Variants in ROBO2 observed in about 807,000 individuals in gnomAD.
The protein encoded by ROBO2 is roundabout homolog 2.
A neutral mutation model predicts 160.8 loss-of-function variants in ROBO2; 53 were observed. The ratio of observed to expected loss-of-function variants is 0.33; its 90% CI spans 0.26 to 0.41. ROBO2 has a LOEUF of 0.41. ROBO2 is among the 10% of genes least tolerant of loss of function. The pLI is 1.00. For synonymous variants in ROBO2, 664 were observed against 611.7 expected (o/e 1.09, Z -1.26); for missense variants, 1,577 against 1,722.4 (o/e 0.92, Z 1.49).
intron 2 of ROBO2, among the ~76,000 whole-genome samples, chr3:77,209,887 A>C (rs1014220998): frequency 6.6e-6 from 1 of 152,148 alleles, no homozygotes; most frequent in Admixed American, 6.6e-5. Context: ...CTGGACAGAG[A>C]TTTGTAAAAA....
At chr3:76,442,711 G>A (rs960635842) in intron 2 of ROBO2, among the ~76,000 whole-genome samples, 1 of 152,078 alleles carries the variant, frequency 6.6e-6, no homozygotes, top group African/African-American at 2.4e-5. Flanking sequence ...CATTCTGCCC[G>A]GTTAGTGAAT....
At chr3:77,570,305 A>G (rs1002768268) in intron 13 of ROBO2, among the ~76,000 whole-genome samples, 2 of 152,026 alleles carry the variant, frequency 1.3e-5, no homozygotes, top group African/African-American at 2.4e-5. Context: ...TCAAAATTGC[A>G]TGACAGCAGA....
rs1553669706 is a variant in ROBO2, at chr3:76,185,195, G to GATAGATATATATATATATATATAT, written c.109+247596_109+247597insGATATATATATATATATATATATA. Among the ~76,000 whole-genome samples, 2 of 44,496 alleles carry GATAGATATATATATATATATATAT rather than the reference G, an allele frequency of 4.5e-5. 1 individual carries two copies. The highest frequency in any genetic ancestry group is 1.9e-3 in the South Asian group (2 of 1,062). The allele number at this position is 44,496 out of a possible 152,430, so 29.2% of individuals were successfully genotyped here. A position where few individuals can be genotyped will look rare whatever the true frequency, so the allele number is the denominator to read the frequency against. Reference sequence around the variant, plus strand: ...TTCTAGGCTTCTATAAGTAAACACAGATATATATATATATATATATACACA... The same window carrying GATAGATATATATATATATATATAT: ...TTCTAGGCTTCTATAAGTAAACACAGATAGATATATATATATATATATATATATATATATATATATATATACACA... On this transcript the variant is annotated intron_variant, in intron 2 of 26. Coordinates refer to the ROBO2 transcript ENST00000487694.
intron 2 of ROBO2, among the ~76,000 whole-genome samples, chr3:77,020,525 C>T (rs1001495868): frequency 1.3e-5 from 2 of 152,230 alleles, no homozygotes; most frequent in Non-Finnish European, 2.9e-5. Context: ...AAAAAATGTT[C>T]ATGCCAGTAT....
At chr3:76,376,551 A>G (rs1453811807) in intron 2 of ROBO2, among the ~76,000 whole-genome samples, 2 of 152,146 alleles carry the variant, frequency 1.3e-5, no homozygotes, top group South Asian at 2.1e-4. Flanking sequence ...GTGGTGATCC[A>G]TTATCTAGCA....
chr3:77,285,835 GT>G (rs1164481309), intron 2 of ROBO2, among the ~76,000 whole-genome samples: 6 of 152,136 alleles, frequency 3.9e-5, no homozygotes, highest in South Asian at 4.1e-4. Flanking sequence ...AGAGAGATAG[GT>G]TTGAGTAGCA....
At chr3:76,891,368 A>G (rs2074332283) in intron 2 of ROBO2, among the ~76,000 whole-genome samples, 1 of 152,118 alleles carries the variant, frequency 6.6e-6, no homozygotes, top group African/African-American at 2.4e-5. Flanking sequence ...TAAAATTATT[A>G]TTTTTGATTT....
chr3:77,119,843 AT>A (rs2074572488), intron 2 of ROBO2, among the ~76,000 whole-genome samples: 1 of 152,174 alleles, frequency 6.6e-6, no homozygotes, highest in Admixed American at 6.5e-5. Flanking sequence ...ACATGTAATG[AT>A]TTTTCATGTG....
chr3:76,397,763 A>C (rs994814886), intron 2 of ROBO2, among the ~76,000 whole-genome samples: 2 of 152,208 alleles, frequency 1.3e-5, no homozygotes, highest in Admixed American at 1.3e-4. Flanking sequence ...TGCAAAACAA[A>C]ACCACAATGG....
At chr3:76,218,423 C>T (rs1183268416) in intron 2 of ROBO2, among the ~76,000 whole-genome samples, 1 of 152,172 alleles carries the variant, frequency 6.6e-6, no homozygotes, top group East Asian at 1.9e-4. Context: ...CCCATTGTCT[C>T]AGCCCAAAAT....
intron 2 of ROBO2, among the ~76,000 whole-genome samples, chr3:76,645,913 G>C (rs1004071345): frequency 6.6e-6 from 1 of 152,124 alleles, no homozygotes; most frequent in Non-Finnish European, 1.5e-5. Flanking sequence ...GCTGTCCATT[G>C]TATAGAGAAG....
intron 2 of ROBO2, among the ~76,000 whole-genome samples, chr3:77,421,684 A>G (rs377347805): frequency 2.0e-4 from 30 of 152,240 alleles, no homozygotes; most frequent in Middle Eastern, 3.4e-3. Context: ...TAGTGTTAAA[A>G]ACTCCATAAA....
At chr3:76,073,267 CTTTTTTTTTTTTTTTTTTTTTT>C (rs869307615) in intron 2 of ROBO2, among the ~76,000 whole-genome samples, 12 of 57,396 alleles carry the variant, frequency 2.1e-4, no homozygotes, top group East Asian at 1.1e-3. Flanking sequence ...AATGAGTATT[CTTTTTTTTTTTTTTTTTTTTTT>C]TTTTTTTTTT....
intron 2 of ROBO2, among the ~76,000 whole-genome samples, chr3:76,582,557 T>C (rs185121812): frequency 1.4e-3 from 218 of 152,076 alleles, no homozygotes; most frequent in African/African-American, 5.0e-3. Context: ...CTAAAACAAA[T>C]AGAAAAATTA....
At chr3:77,130,934 T>C (rs1338815663) in intron 2 of ROBO2, among the ~76,000 whole-genome samples, 1 of 152,210 alleles carries the variant, frequency 6.6e-6, no homozygotes, top group East Asian at 1.9e-4. Flanking sequence ...CAAACTTCTT[T>C]CGTTAACTAG....
chr3:77,071,464 AT>A (rs1046372382), intron 1 of ROBO2, among the ~76,000 whole-genome samples: 3 of 152,218 alleles, frequency 2.0e-5, no homozygotes, highest in Non-Finnish European at 4.4e-5. Context: ...TGCCTAGAAA[AT>A]AAGAAAAACA....
At chr3:77,551,937 T>C (rs2153654293) in intron 8 of ROBO2, among the ~76,000 whole-genome samples, 1 of 152,122 alleles carries the variant, frequency 6.6e-6, no homozygotes, top group East Asian at 1.9e-4. Context: ...CAGTGACATG[T>C]CAGGAATGGG....
intron 2 of ROBO2, among the ~76,000 whole-genome samples, chr3:76,383,092 G>A (rs2076715745): frequency 6.6e-6 from 1 of 152,124 alleles, no homozygotes; most frequent in East Asian, 1.9e-4. Context: ...TGAAAGATGT[G>A]GGAAGCATGC....
intron 2 of ROBO2, among the ~76,000 whole-genome samples, chr3:76,010,708 C>A (rs2066168860): frequency 6.6e-6 from 1 of 152,070 alleles, no homozygotes; most frequent in Non-Finnish European, 1.5e-5. Context: ...TAATTTTATC[C>A]TATTAAGATG....
Sources: gnomAD v4.1 joint callset for allele counts (sites outside exome capture counted in the v4.1 genomes callset) on GRCh38, gnomAD v4.1.1 for gene constraint, MANE v1.5 for transcripts, NCBI Gene and HGNC (gene_info 2026-07-23, HGNC 2026-07-21) for gene names.